CALN1: variants seen among roughly 807,000 people sequenced by gnomAD.
The protein encoded by CALN1 is calneuron 1.
In CALN1, 17 loss-of-function variants were observed where a neutral mutation model predicts 30.6. The ratio of observed to expected loss-of-function variants is 0.56; its 90% CI spans 0.38 to 0.83. The LOEUF is 0.83. Ranked by LOEUF, CALN1 falls within the 40% of genes least tolerant of loss-of-function variation. The probability of loss-of-function intolerance (pLI) is 0.00; values close to 1 mark genes in which losing one functional copy is unlikely to be tolerated. For missense variants in CALN1, 291 were observed against 354.9 expected (o/e 0.82, Z 1.45); for synonymous variants, 156 against 131.4 (o/e 1.19, Z -1.28).
intron 2 of CALN1, among the ~76,000 whole-genome samples, chr7:72,338,040 G>A (rs1802182119): frequency 6.6e-6 from 1 of 152,172 alleles, no homozygotes; most frequent in Admixed American, 6.5e-5. Flanking sequence ...TGCCTCCCAA[G>A]AACTGACGGA....
intron 3 of CALN1, among the ~76,000 whole-genome samples, chr7:72,166,660 G>C (rs1788546054): frequency 6.6e-6 from 1 of 152,222 alleles, no homozygotes; most frequent in Non-Finnish European, 1.5e-5. Context: ...AGAGTGGAGT[G>C]GCAAACGGAT....
At chr7:71,951,953 C>T (rs1264208632) in intron 5 of CALN1, among the ~76,000 whole-genome samples, 2 of 151,916 alleles carry the variant, frequency 1.3e-5, no homozygotes, top group African/African-American at 4.8e-5. Flanking sequence ...TTTCCATTCC[C>T]CTCCTGGGAG....
At chr7:72,071,495 A>C (rs1174503782) in intron 4 of CALN1, among the ~76,000 whole-genome samples, 1 of 145,354 alleles carries the variant, frequency 6.9e-6, no homozygotes, top group Non-Finnish European at 1.6e-5. Flanking sequence ...CATACAGGAG[A>C]AATAAGAAAA....
At chr7:72,174,432 A>G (rs1400432867) in intron 3 of CALN1, among the ~76,000 whole-genome samples, 1 of 152,208 alleles carries the variant, frequency 6.6e-6, no homozygotes, top group Non-Finnish European at 1.5e-5. Flanking sequence ...GATTTGTATA[A>G]AAACATTCAA....
chr7:72,098,714 AAAAAT>A (rs766064277), intron 4 of CALN1, among the ~76,000 whole-genome samples: 23 of 151,724 alleles, frequency 1.5e-4, no homozygotes, highest in South Asian at 1.0e-3. Flanking sequence ...TGCCTCTATA[AAAAAT>A]AAAATAAAAT....
At chr7:71,851,252 C>CACACACACAT (rs1491431075) in intron 5 of CALN1, among the ~76,000 whole-genome samples, 2 of 149,466 alleles carry the variant, frequency 1.3e-5, no homozygotes, top group South Asian at 2.1e-4. Context: ...CACACACACA[C>CACACACACAT]ATCACACATA....
intron 3 of CALN1, among the ~76,000 whole-genome samples, chr7:72,266,256 A>C (rs1259910522): frequency 1.3e-5 from 2 of 152,210 alleles, no homozygotes; most frequent in Non-Finnish European, 2.9e-5. Context: ...TACTAGAAGA[A>C]GTATGTTTTG....
At chr7:71,953,154 C>T (rs1049692414) in intron 5 of CALN1, among the ~76,000 whole-genome samples, 4 of 152,062 alleles carry the variant, frequency 2.6e-5, no homozygotes, top group East Asian at 1.9e-4. Flanking sequence ...AACGGGATCT[C>T]GTTATGTTGC....
chr7:72,355,878 C>G (rs28444894), intron 2 of CALN1, among the ~76,000 whole-genome samples: 29,626 of 151,980 alleles, frequency 0.19, 3,763 homozygotes, highest in East Asian at 0.37. Flanking sequence ...TACATTTTGT[C>G]AAACTCATCA....
At chr7:72,447,610 T>A (rs532900427), upstream of CALN1, among the ~76,000 whole-genome samples, 1 of 152,256 alleles carries the variant, frequency 6.6e-6, no homozygotes, top group South Asian at 2.1e-4. Flanking sequence ...CTGAGAGCAC[T>A]GCCACTTATG....
intron 3 of CALN1, among the ~76,000 whole-genome samples, chr7:72,185,933 T>TCTCA (rs1260987832): frequency 1.9e-4 from 29 of 152,176 alleles, no homozygotes; most frequent in African/African-American, 6.3e-4. Context: ...AATTGCCCAG[T>TCTCA]CTCAGGTGTG....
intron 5 of CALN1, among the ~76,000 whole-genome samples, chr7:71,892,990 G>T (rs1221386786): frequency 6.6e-6 from 1 of 152,124 alleles, no homozygotes; most frequent in East Asian, 1.9e-4. Flanking sequence ...ATTACAACTT[G>T]CAAGGCTTTG....
chr7:72,427,623 G>T (rs924814372), intron 1 of CALN1, among the ~76,000 whole-genome samples: 5 of 152,110 alleles, frequency 3.3e-5, no homozygotes, highest in Non-Finnish European at 7.4e-5. Flanking sequence ...GATTACAGGT[G>T]CATGCCACCA....
chr7:71,790,368 A>AAAAGAAAAAGAAAGAAAG (rs1554337109), intron 6 of CALN1, among the ~76,000 whole-genome samples: 1 of 123,680 alleles, frequency 8.1e-6, no homozygotes, highest in African/African-American at 3.2e-5. Flanking sequence ...AGAAAGAAAG[A>AAAAGAAAAAGAAAGAAAG]AAAGAAAGAA....
chr7:72,116,157 G>A (rs1807971633), intron 3 of CALN1, among the ~76,000 whole-genome samples: 1 of 152,048 alleles, frequency 6.6e-6, no homozygotes. Flanking sequence ...CTCATTGAAC[G>A]TGCCTCTACT....
chr7:72,443,255 G>T (rs1196417556), intron 1 of CALN1, among the ~76,000 whole-genome samples: 1 of 152,222 alleles, frequency 6.6e-6, no homozygotes, highest in Non-Finnish European at 1.5e-5. Flanking sequence ...AAGAGCAGGA[G>T]ATTTTGGGTG....
chr7:72,399,786 T>C (rs1321836897), intron 2 of CALN1, among the ~76,000 whole-genome samples: 2 of 152,184 alleles, frequency 1.3e-5, no homozygotes, highest in Non-Finnish European at 2.9e-5. Context: ...CATGTTGGAA[T>C]GTGATTCCGT....
chr7:72,186,249 T>C (rs1037650065), intron 3 of CALN1, among the ~76,000 whole-genome samples: 1 of 152,142 alleles, frequency 6.6e-6, no homozygotes, highest in Non-Finnish European at 1.5e-5. Context: ...CCTGTTATTT[T>C]AAGCCGCTCA....
intron 3 of CALN1, among the ~76,000 whole-genome samples, chr7:72,236,782 G>A (rs1794497342): frequency 6.6e-6 from 1 of 152,100 alleles, no homozygotes; most frequent in African/African-American, 2.4e-5. Context: ...AGGTATTTGT[G>A]ACTATCTGTC....
Sources: allele counts gnomAD v4.1 joint callset (sites outside exome capture counted in the v4.1 genomes callset), GRCh38; gene constraint gnomAD v4.1.1; transcripts MANE v1.5; gene names NCBI Gene and HGNC (gene_info 2026-07-23, HGNC 2026-07-21).